The following PLCB1 variants were observed in gnomAD, a reference collection of about 807,000 sequenced individuals.
The protein encoded by PLCB1 is phospholipase C beta 1, also known as 1-phosphatidylinositol 4,5-bisphosphate phosphodiesterase beta-1.
A neutral mutation model predicts 161.8 loss-of-function variants in PLCB1; 46 were observed. That is an observed-to-expected ratio of 0.28 (90% CI 0.22 to 0.36). The LOEUF (loss-of-function observed/expected upper bound fraction) is 0.36. PLCB1 is among the 10% of genes least tolerant of loss of function. PLCB1 has a pLI of 1.00. For synonymous variants in PLCB1, 517 were observed against 503.7 expected, an observed-to-expected ratio of 1.03 and a Z score of -0.35; for missense variants, 1,016 against 1,472.5, an observed-to-expected ratio of 0.69 and a Z score of 5.07.
At chr20:8,231,129 C>T (rs1393577379) in intron 2 of PLCB1, among the ~76,000 whole-genome samples, 1 of 152,194 alleles carries the variant, frequency 6.6e-6, no homozygotes, top group African/African-American at 2.4e-5. Flanking sequence ...AACCCTGCCA[C>T]AATTTAGATT....
At chr20:8,433,055 G>T (rs1980126439) in intron 3 of PLCB1, among the ~76,000 whole-genome samples, 1 of 152,158 alleles carries the variant, frequency 6.6e-6, no homozygotes, top group East Asian at 1.9e-4. Flanking sequence ...TATCAGCAGA[G>T]GTTCACCAAA....
chr20:8,849,468 GA>G (rs1211651645), intron 31 of PLCB1, among the ~76,000 whole-genome samples: 1 of 151,922 alleles, frequency 6.6e-6, no homozygotes. Flanking sequence ...CTGAGGTCAG[GA>G]GTTCGAGACT....
intron 3 of PLCB1, among the ~76,000 whole-genome samples, chr20:8,544,535 A>G (rs568643034): frequency 1.3e-5 from 2 of 152,310 alleles, no homozygotes; most frequent in East Asian, 1.9e-4. Context: ...CCACATTGCT[A>G]TGTGGGGGTC....
chr20:8,539,656 C>CTTTCTT (rs1985213611), intron 3 of PLCB1, among the ~76,000 whole-genome samples: 1 of 92,854 alleles, frequency 1.1e-5, no homozygotes, highest in African/African-American at 4.4e-5. Flanking sequence ...TTCTTTCTTT[C>CTTTCTT]TTTCTTTCTT....
chr20:8,749,593 T>C (rs1386593322), intron 23 of PLCB1, among the ~76,000 whole-genome samples: 1 of 152,262 alleles, frequency 6.6e-6, no homozygotes, highest in Non-Finnish European at 1.5e-5. Flanking sequence ...TCCTTCTGAA[T>C]TCTTTGTAAA....
intron 2 of PLCB1, among the ~76,000 whole-genome samples, chr20:8,216,709 C>A (rs541002302): frequency 4.6e-5 from 7 of 152,018 alleles, no homozygotes; most frequent in Non-Finnish European, 7.4e-5. Flanking sequence ...TTAAAGATAT[C>A]TTATAAGAGT....
intron 3 of PLCB1, chr20:8,625,229 G>C (rs1988299561): frequency 6.6e-6 from 1 of 152,106 alleles, no homozygotes; most frequent in African/African-American, 2.4e-5. Flanking sequence ...CTAAAAACTT[G>C]ATGCATTTGC....
chr20:8,353,055 G>T (rs1035231240), intron 2 of PLCB1, among the ~76,000 whole-genome samples: 1 of 152,028 alleles, frequency 6.6e-6, no homozygotes, highest in African/African-American at 2.4e-5. Context: ...CCCTGAACTT[G>T]GTTTCTAGTG....
intron 2 of PLCB1, among the ~76,000 whole-genome samples, chr20:8,182,725 C>T (rs1006083581): frequency 1.6e-4 from 24 of 151,670 alleles, no homozygotes; most frequent in African/African-American, 3.9e-4. Flanking sequence ...GGATTACAGG[C>T]GCCCGCAACC....
rs951016357 is a variant in PLCB1, at chr20:8,457,708, G to T, written c.246+86258G>T. On this transcript the variant is annotated intron_variant, in intron 3 of 31. Transcript: ENST00000338037. ...CATCTCCTACTTATACCCCTAATGT[G>T]TGCGCGCACACACACACACACACAC... Among the ~76,000 whole-genome samples, 9 of 87,314 alleles carry T rather than the reference G, an allele frequency of 1.0e-4. No individual in the cohort carries two copies. In the South Asian group the frequency reaches 1.8e-3, roughly 18 times the overall value. 57.3% of individuals were successfully genotyped at this position (87,314 alleles called of 152,430 possible).
chr20:8,737,234 C>T (rs1980629927), intron 20 of PLCB1, 42 bp downstream of exon 20: 1 of 1,496,204 alleles, frequency 6.7e-7, no homozygotes, highest in Non-Finnish European at 9.2e-7. Flanking sequence ...CTGCATTTTT[C>T]AGGTGTTTTA....
intron 10 of PLCB1, among the ~76,000 whole-genome samples, chr20:8,688,839 G>A (rs912691962): frequency 6.6e-6 from 1 of 152,068 alleles, no homozygotes; most frequent in Non-Finnish European, 1.5e-5. Context: ...CTATTTTTTG[G>A]TTCCGTATGA....
rs78468665 is a variant in PLCB1, at chr20:8,809,245, C to T, written c.3423+18984C>T. On this transcript the variant is annotated intron_variant, in intron 31 of 31. Transcript: ENST00000338037. ...TGATCTTAAACTCCTGAGCTCAAAG[C>T]GATCGTCCCGCCTCAGCCTCCCAAA... is the stretch of plus-strand genomic sequence containing the variant. Among the ~76,000 whole-genome samples the T allele has an allele frequency of 7.3e-4, 111 of 152,138 alleles. No homozygotes were observed. The East Asian group carries it at 0.015, about 21-fold the overall frequency.
At chr20:8,865,545 A>G (rs1987398951) in intron 31 of PLCB1, among the ~76,000 whole-genome samples, 1 of 152,228 alleles carries the variant, frequency 6.6e-6, no homozygotes, top group Non-Finnish European at 1.5e-5. Context: ...CAATGGCTTC[A>G]TACAATAGAA....
intron 2 of PLCB1, among the ~76,000 whole-genome samples, chr20:8,210,600 A>C (rs1978770933): frequency 6.6e-6 from 1 of 152,116 alleles, no homozygotes; most frequent in African/African-American, 2.4e-5. Flanking sequence ...AAAACTTAGA[A>C]AGGTTCAGAA....
At chr20:8,263,625 T>C (rs1214472245) in intron 2 of PLCB1, among the ~76,000 whole-genome samples, 2 of 152,200 alleles carry the variant, frequency 1.3e-5, no homozygotes, top group East Asian at 3.8e-4. Flanking sequence ...CTAAAATATA[T>C]GGCATAGCTT....
chr20:8,333,825 A>G (rs2745786), intron 2 of PLCB1, among the ~76,000 whole-genome samples: 2,255 of 152,302 alleles, frequency 0.015, 52 homozygotes, highest in African/African-American at 0.05. Context: ...CTTACTGGAT[A>G]TATCATTCAG....
chr20:8,812,422 C>T (rs1379790888), intron 31 of PLCB1, among the ~76,000 whole-genome samples: 2 of 150,554 alleles, frequency 1.3e-5, no homozygotes, highest in Non-Finnish European at 3.0e-5. Context: ...CTGGTGTGAG[C>T]GGGGGCTGGT....
chr20:8,344,915 A>T (rs1234814), intron 2 of PLCB1, among the ~76,000 whole-genome samples: 32,417 of 152,084 alleles, frequency 0.21, 3,634 homozygotes, highest in East Asian at 0.38. Flanking sequence ...TGAGCACAAT[A>T]GATGCAAATT....
Sources: gnomAD v4.1 joint callset for allele counts (sites outside exome capture counted in the v4.1 genomes callset) on GRCh38, gnomAD v4.1.1 for gene constraint, MANE v1.5 for transcripts, NCBI Gene and HGNC (gene_info 2026-07-23, HGNC 2026-07-21) for gene names.